CSMD3: variants seen among roughly 807,000 people sequenced by gnomAD.
The protein encoded by CSMD3 is CUB and Sushi multiple domains 3.
CSMD3 carries 177 observed loss-of-function variants against 435.2 expected under a neutral mutation model. That is an observed-to-expected ratio of 0.41 (90% CI 0.36 to 0.46). The LOEUF (loss-of-function observed/expected upper bound fraction) is 0.46, where lower values mean the gene tolerates loss of function less well. Among genes scored for constraint, CSMD3 ranks in the 20% least tolerant of loss-of-function variants. The pLI is 0.34. For missense variants in CSMD3, 4,265 were observed against 4,504.6 expected (o/e 0.95, Z 1.52); for synonymous variants, 1,656 against 1,520.5 (o/e 1.09, Z -2.07).
At chr8:112,825,354 C>T (rs231291) in intron 12 of CSMD3, among the ~76,000 whole-genome samples, 19 of 152,028 alleles carry the variant, frequency 1.2e-4, no homozygotes, top group Middle Eastern at 6.8e-3. Context: ...TTGCTGGAGA[C>T]GCACTGCAAT....
chr8:112,279,309 G>C (rs1388230677), intron 59 of CSMD3, among the ~76,000 whole-genome samples: 5 of 152,074 alleles, frequency 3.3e-5, no homozygotes, highest in Admixed American at 6.6e-5. Flanking sequence ...GAATGTACAA[G>C]GTATATCCTG....
intron 1 of CSMD3, among the ~76,000 whole-genome samples, chr8:113,318,553 G>T (rs1260932766): frequency 6.6e-6 from 1 of 152,058 alleles, no homozygotes; most frequent in Non-Finnish European, 1.5e-5. Context: ...CCTGCTATAT[G>T]ACCTACAGCT....
chr8:112,242,556 A>G (rs1297822159), intron 65 of CSMD3, among the ~76,000 whole-genome samples: 1 of 152,094 alleles, frequency 6.6e-6, no homozygotes, highest in African/African-American at 2.4e-5. Flanking sequence ...ATAAACCAAA[A>G]AGGGGAACAG....
chr8:112,536,989 A>C (rs1032735206), intron 27 of CSMD3, among the ~76,000 whole-genome samples: 8 of 151,898 alleles, frequency 5.3e-5, no homozygotes, highest in Non-Finnish European at 1.2e-4. Flanking sequence ...TGGACACAGG[A>C]AGGGGAACAT....
chr8:112,390,628 A>C (rs768400262), intron 36 of CSMD3, 36 bp downstream of exon 36: 2 of 1,563,832 alleles, frequency 1.3e-6, no homozygotes, highest in African/African-American at 2.7e-5. Flanking sequence ...AACTACACAC[A>C]TACAATGAAA....
intron 16 of CSMD3, among the ~76,000 whole-genome samples, chr8:112,679,721 C>A (rs940776617): frequency 6.6e-6 from 1 of 152,056 alleles, no homozygotes; most frequent in Non-Finnish European, 1.5e-5. Flanking sequence ...ACCAAGCAAC[C>A]CCAAAACCAA....
intron 13 of CSMD3, among the ~76,000 whole-genome samples, chr8:112,760,676 CA>C (rs1352445825): frequency 6.6e-6 from 1 of 152,142 alleles, no homozygotes; most frequent in African/African-American, 2.4e-5. Context: ...CCTTGAACTT[CA>C]ATGAGTTTTA....
intron 35 of CSMD3, among the ~76,000 whole-genome samples, chr8:112,397,526 G>C (rs1443885335): frequency 1.3e-5 from 2 of 152,148 alleles, no homozygotes; most frequent in African/African-American, 4.8e-5. Flanking sequence ...ATAAACAACA[G>C]AAATTTATTT....
At chr8:113,423,135 G>A (rs1362405938) in intron 1 of CSMD3, among the ~76,000 whole-genome samples, 5 of 151,708 alleles carry the variant, frequency 3.3e-5, no homozygotes, top group African/African-American at 9.7e-5. Context: ...ACTGCATTTC[G>A]ACTGTAATTC....
At chr8:112,758,858 AACTT>A (rs2077767182) in intron 13 of CSMD3, among the ~76,000 whole-genome samples, 1 of 152,190 alleles carries the variant, frequency 6.6e-6, no homozygotes. Flanking sequence ...TTTATTAACA[AACTT>A]AAGCAATGAT....
chr8:112,423,442 T>G (rs1485059381), intron 32 of CSMD3, among the ~76,000 whole-genome samples: 1 of 152,204 alleles, frequency 6.6e-6, no homozygotes, highest in Non-Finnish European at 1.5e-5. Context: ...CACTAATTGC[T>G]AAGAAACTTA....
chr8:112,920,854 C>G (rs2082712016), intron 10 of CSMD3, among the ~76,000 whole-genome samples: 1 of 150,842 alleles, frequency 6.6e-6, no homozygotes, highest in Non-Finnish European at 1.5e-5. Context: ...ATATTTTCTT[C>G]TATATTTAAA....
At chr8:113,183,218 A>G (rs2092449071) in intron 3 of CSMD3, among the ~76,000 whole-genome samples, 1 of 152,000 alleles carries the variant, frequency 6.6e-6, no homozygotes, top group African/African-American at 2.4e-5. Context: ...AGAGTAAACT[A>G]TCTTTAGGAG....
intron 35 of CSMD3, among the ~76,000 whole-genome samples, chr8:112,400,102 T>C (rs1412597995): frequency 6.6e-6 from 1 of 152,168 alleles, no homozygotes; most frequent in Non-Finnish European, 1.5e-5. Flanking sequence ...TCCATCTTAG[T>C]CTGTTCAGGC....
At chr8:112,240,421 AC>A (rs1213144549) in intron 66 of CSMD3, among the ~76,000 whole-genome samples, 2 of 151,926 alleles carry the variant, frequency 1.3e-5, no homozygotes, top group Non-Finnish European at 2.9e-5. Context: ...ACTCTGCCTT[AC>A]TTTTATGTAT....
chr8:112,253,312 G>A (rs1033954092), intron 63 of CSMD3, among the ~76,000 whole-genome samples: 8 of 151,886 alleles, frequency 5.3e-5, no homozygotes, highest in African/African-American at 1.9e-4. Context: ...CAATATAATG[G>A]AGACAGACTC....
intron 1 of CSMD3, among the ~76,000 whole-genome samples, chr8:113,324,171 A>T (rs1428815847): frequency 5.9e-5 from 9 of 152,140 alleles, no homozygotes; most frequent in Non-Finnish European, 1.3e-4. Flanking sequence ...AAAAGGAAAA[A>T]CCATTTTCTG....
chr8:112,291,458 C>T (rs761548154), intron 56 of CSMD3, 52 bp downstream of exon 56: 100 of 1,184,384 alleles, frequency 8.4e-5, no homozygotes, highest in Non-Finnish European at 1.1e-4. Flanking sequence ...GATAAACATT[C>T]CTATGGTTTC....
chr8:113,150,105 CAG>C (rs1371800876), intron 4 of CSMD3, among the ~76,000 whole-genome samples: 1 of 151,822 alleles, frequency 6.6e-6, no homozygotes. Context: ...ACAAAGAAGA[CAG>C]AAGTTTCTTC....
Sources: allele counts gnomAD v4.1 joint callset (sites outside exome capture counted in the v4.1 genomes callset), GRCh38; gene constraint gnomAD v4.1.1; transcripts MANE v1.5; gene names NCBI Gene and HGNC (gene_info 2026-07-23, HGNC 2026-07-21).